TRIO: variants seen among roughly 807,000 people sequenced by gnomAD.
TRIO encodes the protein trio Rho guanine nucleotide exchange factor.
A neutral mutation model predicts 351.9 loss-of-function variants in TRIO; 58 were observed. The observed-to-expected ratio is 0.16, with a 90% CI of 0.13 to 0.21. TRIO has a LOEUF of 0.21. Among genes scored for constraint, TRIO ranks in the 10% least tolerant of loss-of-function variants. The pLI, the probability that TRIO is intolerant of heterozygous loss-of-function variation, is 1.00. For missense variants in TRIO, 3,201 were observed against 4,027.8 expected, an observed-to-expected ratio of 0.79 and a Z score of 5.56; for synonymous variants, 1,758 against 1,595.7, an observed-to-expected ratio of 1.10 and a Z score of -2.42.
chr5:14,344,183 G>C (rs929561040), intron 11 of TRIO, among the ~76,000 whole-genome samples: 1 of 152,176 alleles, frequency 6.6e-6, no homozygotes, highest in African/African-American at 2.4e-5. Context: ...TAACAGCCTA[G>C]AACTGTCGAC....
At position 14,185,415 on chromosome 5, in the gene TRIO, G is replaced by A. The variant is rs115064532; in HGVS notation, c.157+41533G>A. On this transcript the variant is annotated intron_variant, in intron 1 of 56. Coordinates refer to ENST00000344204, the MANE Select transcript of TRIO (RefSeq NM_007118.4). ...CCTTTGCATAGCTGTGATGAAAAAC[G>A]TGCCCAGCATAGTTGTTAAACATGG... Among the ~76,000 whole-genome samples the A allele has an allele frequency of 6.9e-3, 1,058 of 152,268 alleles. 8 individuals are homozygous for A. The highest frequency in any genetic ancestry group is 0.011 in the Non-Finnish European group (763 of 68,024).
At chr5:14,299,379 G>A (rs955539450) in intron 7 of TRIO, among the ~76,000 whole-genome samples, 2 of 152,122 alleles carry the variant, frequency 1.3e-5, no homozygotes, top group Non-Finnish European at 2.9e-5. Flanking sequence ...AGGAGTGAAG[G>A]GACAGTAGCC....
intron 11 of TRIO, among the ~76,000 whole-genome samples, chr5:14,339,673 T>G (rs574668808): frequency 6.6e-6 from 1 of 152,314 alleles, no homozygotes; most frequent in Admixed American, 6.5e-5. Context: ...TGTGCCCGTG[T>G]GATTGGCATT....
At chr5:14,323,074 G>A (rs1740030469) in intron 9 of TRIO, among the ~76,000 whole-genome samples, 1 of 152,138 alleles carries the variant, frequency 6.6e-6, no homozygotes, top group South Asian at 2.1e-4. Context: ...GCTGGGGAAA[G>A]GGCTGGCTCC....
chr5:14,441,465 T>G (rs975166342), intron 34 of TRIO: 5 of 153,622 alleles, frequency 3.3e-5, no homozygotes, highest in Admixed American at 2.0e-4. Context: ...AACAGAAATG[T>G]TTTGTGCTTG....
Position 14,184,035 on chromosome 5 carries a change from A to C in TRIO, c.157+40153A>C. On this transcript the variant is annotated intron_variant, in intron 1 of 56. Transcript: ENST00000344204. ...TGATGTGTGGCTCGAGGGTTTCTCT[A>C]GGAGGACTGTTGATGGACCTTGACC... 5 of 691,354 alleles carry C rather than the reference A, an allele frequency of 7.2e-6. 1 individual carries two copies. Among genetic ancestry groups the C allele is most frequent in the Non-Finnish European group, 5.3e-6 (2 of 377,740 alleles). 42.8% of individuals were successfully genotyped at this position (691,354 alleles called of 1,614,324 possible).
In TRIO at chr5:14,390,990, C is replaced by T. The variant is rs114288472; in HGVS notation, c.4218C>T (p.Asp1406=). The T allele has an allele frequency of 1.4e-4, 217 of 1,600,506 alleles. No individual in the cohort carries two copies. In the African/African-American group the frequency reaches 2.5e-3, roughly 18 times the overall value. ...LILEHAGSYF[D]EIQQRHGLAN... ...TGGAACATGCAGGGTCCTATTTTGA[C>T]GTAAGTAATAGATTCCTAAAGAGAC... The change falls in exon 27 of 57, where the codon GAC becomes GAT. Residue 1406 remains aspartate, a splice_region_variant and synonymous_variant. Transcript: ENST00000344204.
chr5:14,438,348 C>T (rs116593449), intron 34 of TRIO, among the ~76,000 whole-genome samples: 1,606 of 152,302 alleles, frequency 0.011, 14 homozygotes, highest in African/African-American at 0.037. Flanking sequence ...TGTTCTCACA[C>T]GGCAGATAGA....
intron 34 of TRIO, among the ~76,000 whole-genome samples, chr5:14,450,761 C>T (rs1259092683): frequency 1.3e-5 from 2 of 152,202 alleles, no homozygotes; most frequent in African/African-American, 4.8e-5. Flanking sequence ...CCCATGCTGA[C>T]ATGACAGCAT....
At chr5:14,465,727 C>A in intron 37 of TRIO, 87 bp downstream of exon 37, 1 of 1,431,754 alleles carries the variant, frequency 7.0e-7, no homozygotes, top group South Asian at 1.2e-5. Context: ...TTGTATTGCT[C>A]TGGGCTGCAG....
In TRIO at chr5:14,437,694, C is replaced by T. The variant is rs757039682; in HGVS notation, c.5203+17673C>T. On this transcript the variant is annotated intron_variant, in intron 34 of 56. Coordinates refer to ENST00000344204, the MANE Select transcript of TRIO (RefSeq NM_007118.4). ...CATATTGGATGAGGACCACCCCCCC[C>T]GCCCCAAGGACCTCATTTTAACTCT... Among the ~76,000 whole-genome samples, 109 of 136,790 alleles carry T rather than the reference C, an allele frequency of 8.0e-4. 3 individuals are homozygous for T. The highest frequency in any genetic ancestry group is 1.4e-3 in the Non-Finnish European group (92 of 65,168). 89.7% of individuals were successfully genotyped at this position (136,790 alleles called of 152,430 possible).
At chr5:14,245,561 C>A (rs1794384482) in intron 1 of TRIO, among the ~76,000 whole-genome samples, 1 of 152,204 alleles carries the variant, frequency 6.6e-6, no homozygotes, top group Admixed American at 6.5e-5. Context: ...TATGTCAGAC[C>A]AAGCTGGTGA....
At chr5:14,197,623 C>G (rs1790861904) in intron 1 of TRIO, among the ~76,000 whole-genome samples, 1 of 152,206 alleles carries the variant, frequency 6.6e-6, no homozygotes, top group Non-Finnish European at 1.5e-5. Flanking sequence ...CTTCTTTACT[C>G]TATTTGCAAG....
chr5:14,418,501 T>C (rs188980567), intron 33 of TRIO, among the ~76,000 whole-genome samples: 1 of 147,776 alleles, frequency 6.8e-6, no homozygotes, highest in Non-Finnish European at 1.5e-5. Flanking sequence ...AAGAGTGGGG[T>C]TTTTTAGCTT....
chr5:14,171,709 G>GTA (rs1426689755), intron 1 of TRIO, among the ~76,000 whole-genome samples: 1 of 152,120 alleles, frequency 6.6e-6, no homozygotes, highest in African/African-American at 2.4e-5. Flanking sequence ...CTGTTGCTGG[G>GTA]TATTATTCAG....
chr5:14,212,444 C>G (rs906202782), intron 1 of TRIO, among the ~76,000 whole-genome samples: 1 of 152,158 alleles, frequency 6.6e-6, no homozygotes, highest in African/African-American at 2.4e-5. Flanking sequence ...AACTCTCCCT[C>G]CAGACTCACA....
At chr5:14,343,456 C>T (rs954373233) in intron 11 of TRIO, among the ~76,000 whole-genome samples, 1 of 152,208 alleles carries the variant, frequency 6.6e-6, no homozygotes, top group Non-Finnish European at 1.5e-5. Flanking sequence ...CTGTTCTTCT[C>T]TGCTTCTATT....
At chr5:14,194,334 A>G (rs745538270) in intron 1 of TRIO, among the ~76,000 whole-genome samples, 1 of 152,182 alleles carries the variant, frequency 6.6e-6, no homozygotes, top group Non-Finnish European at 1.5e-5. Flanking sequence ...AAGTTTTTAA[A>G]TGGAAATAAA....
intron 9 of TRIO, among the ~76,000 whole-genome samples, chr5:14,317,685 T>A (rs1363823664): frequency 6.6e-6 from 1 of 152,212 alleles, no homozygotes; most frequent in Non-Finnish European, 1.5e-5. Flanking sequence ...CATGTGAATC[T>A]GGTAAATTCA....
Sources: gnomAD v4.1 joint callset for allele counts (sites outside exome capture counted in the v4.1 genomes callset) on GRCh38, gnomAD v4.1.1 for gene constraint, MANE v1.5 for transcripts, NCBI Gene and HGNC (gene_info 2026-07-23, HGNC 2026-07-21) for gene names.